The following SLX4 variants were observed in gnomAD, a reference collection of about 807,000 sequenced individuals.
SLX4 encodes the protein structure-specific endonuclease subunit SLX4.
Under a neutral mutation model 146.2 loss-of-function variants are expected in SLX4, and 112 were observed. The ratio of observed to expected loss-of-function variants is 0.77; its 90% CI spans 0.66 to 0.90. The LOEUF is 0.90. Among genes scored for constraint, SLX4 ranks in the 40% least tolerant of loss-of-function variants. The pLI, the probability that SLX4 is intolerant of heterozygous loss-of-function variation, is 0.00. For missense variants in SLX4, 2,563 were observed against 2,392.7 expected (o/e 1.07, Z -1.49); for synonymous variants, 1,061 against 997.7 (o/e 1.06, Z -1.20).
At chr16:3,605,094 A>C (rs1305140027) in intron 3 of SLX4, among the ~76,000 whole-genome samples, 1 of 150,466 alleles carries the variant, frequency 6.6e-6, no homozygotes, top group Non-Finnish European at 1.5e-5. Flanking sequence ...CTAATTAAAA[A>C]AAAATTTTTT....
chr16:3,610,385 A>G (rs2040842942), intron 1 of SLX4, among the ~76,000 whole-genome samples: 1 of 152,174 alleles, frequency 6.6e-6, no homozygotes, highest in Non-Finnish European at 1.5e-5. Context: ...TGTTTTCACA[A>G]TGGCATCTGT....
At chr16:3,601,670 A>G in intron 4 of SLX4, 1 of 307,992 alleles carries the variant, frequency 3.2e-6, no homozygotes, top group Non-Finnish European at 6.3e-6. Context: ...AGCCTGCTCC[A>G]TGCTACAACA....
rs541496018 is a variant in SLX4 at position 3,584,016 on chromosome 16, CA to C, written c.4740-507del. Among the ~76,000 whole-genome samples the C allele has an allele frequency of 5.4e-4, 80 of 148,960 alleles. 1 individual carries two copies. The South Asian group carries it at 0.016, about 30-fold the overall frequency. On this transcript the variant is annotated intron_variant, in intron 13 of 14. Coordinates refer to ENST00000294008, the MANE Select transcript of SLX4 (RefSeq NM_032444.4). Reference sequence around the variant, plus strand: ...CCTGTCTCCAAAAATAAAAAATAAACAAAAGATATGCTGCTCCCAGTTCTGA... The same window carrying C: ...CCTGTCTCCAAAAATAAAAAATAAACAAAGATATGCTGCTCCCAGTTCTGA...
At chr16:3,584,188 C>T (rs1323435702) in intron 13 of SLX4, among the ~76,000 whole-genome samples, 4 of 151,968 alleles carry the variant, frequency 2.6e-5, no homozygotes, top group Non-Finnish European at 5.9e-5. Flanking sequence ...TTTGGGAAGC[C>T]GAGGCGGGTG....
At chr16:3,591,526 T>G (rs2040596125) in intron 11 of SLX4, among the ~76,000 whole-genome samples, 1 of 152,192 alleles carries the variant, frequency 6.6e-6, no homozygotes, top group Non-Finnish European at 1.5e-5. Context: ...AAAGCAGGGC[T>G]TCCTAACTAT....
rs748115513 is a variant in SLX4 at position 3,583,111 on chromosome 16, G to A, written c.5139C>T (p.Ser1713=). 1 of 1,614,290 alleles carries A rather than the reference G, an allele frequency of 6.2e-7. No homozygotes were observed. Among genetic ancestry groups the A allele is most frequent in the East Asian group, 2.2e-5 (1 of 44,890 alleles). ...VATSVDGSDS[S]LSSQSSSSCE... ...CATCCGGTTACCTCTGTGAGCTCAA[G>A]GAGCTGTCACTGCCATCCACAGAGG... The change falls in exon 14 of 15, where the codon TCC becomes TCT. Residue 1713 remains serine (S), a synonymous_variant. Coordinates refer to ENST00000294008, the MANE Select transcript of SLX4 (RefSeq NM_032444.4).
rs2040460611 is a variant in SLX4, at chr16:3,583,124, C to T, written c.5126G>A (p.Gly1709Asp). 1 of 1,614,144 alleles carries T rather than the reference C, an allele frequency of 6.2e-7. No homozygotes were observed. The highest frequency in any genetic ancestry group is 8.5e-7 in the Non-Finnish European group (1 of 1,180,054). Reference protein sequence around the residue: ...SQESVATSVDGSDSSLSSQSS... With the variant: ...SQESVATSVDDSDSSLSSQSS... ...CTGTGAGCTCAAGGAGCTGTCACTG[C>T]CATCCACAGAGGTGGCCACGGATTC... The change falls in exon 14 of 15, where the codon GGC becomes GAC. Residue 1709 changes from glycine (G) to aspartate (D), a missense_variant. Gly to Asp is a moderately conservative substitution (Grantham distance 94, BLOSUM62 -1). Transcript: ENST00000294008.
chr16:3,591,212 T>C lies in SLX4; in HGVS notation c.2426A>G (p.Glu809Gly). ...TTCCTGGAAATTCTCGGCCCTGCTT[T>C]CGCAATTCTCTGCTTCCTTCTCCTC... ...PWEEKEAENC[E>G]SRAENFQELL... Residue 809 changes from glutamate to glycine, a missense_variant, in exon 12 of 15, where the codon GAA (glutamate) becomes GGA (glycine). By Grantham distance (98) the Glu-to-Gly change is moderately conservative (BLOSUM62 -2). Transcript: ENST00000294008. 6.2e-7 allele frequency: 1 copy of C among 1,614,068 alleles called. No homozygotes were observed. Among genetic ancestry groups the C allele is most frequent in the South Asian group, 1.1e-5 (1 of 91,092 alleles).
rs756854257 is a variant in SLX4 at position 3,597,791 on chromosome 16, A to G, written c.1366+6T>C. On this transcript the variant is annotated splice_donor_region_variant and intron_variant, in intron 6 of 14. Transcript: ENST00000294008. This position sits in a 1 kb window ranked among gnomAD's most constrained non-coding sequence, Gnocchi z 4.4. ...CTCCCAGGGTCACTCTTCTGATCAC[A>G]CAAACCTGCTTCTGGTCTTATCCTC... 1.9e-6 allele frequency: 3 copies of G among 1,614,138 alleles called. No individual in the cohort carries two copies. Among genetic ancestry groups the G allele is most frequent in the Non-Finnish European group, 2.5e-6 (3 of 1,180,016 alleles).
intron 12 of SLX4, among the ~76,000 whole-genome samples, chr16:3,585,800 CAAAAAAA>C (rs1226056168): frequency 1.3e-4 from 8 of 60,732 alleles, no homozygotes; most frequent in African/African-American, 5.2e-4. Context: ...CCTATCTCTA[CAAAAAAA>C]AAAAAAAAAA....
rs758716777 is a variant in SLX4, at chr16:3,591,163, A to G, written c.2475T>C (p.Asp825=). ...ACAAAGTCTCCGCTTCCTCCTCTTC[A>G]TCTGCCCACATTGACCTCAAGAGTT... ...FQELLRSMWA[D]EEEEAETLLK... Residue 825 remains aspartate (D), a synonymous_variant, in exon 12 of 15, where the codon GAT becomes GAC. Coordinates refer to ENST00000294008, the MANE Select transcript of SLX4 (RefSeq NM_032444.4). The G allele has an allele frequency of 3.1e-6, 5 of 1,613,914 alleles. No individual in the cohort carries two copies. In the African/African-American group the frequency reaches 5.3e-5, roughly 17 times the overall value.
Position 3,582,179 on chromosome 16 carries a change from T to C in SLX4, c.*163A>G. The C allele has an allele frequency of 1.6e-6, 1 of 629,262 alleles. No individual in the cohort carries two copies. Among genetic ancestry groups the C allele is most frequent in the Non-Finnish European group, 2.8e-6 (1 of 359,200 alleles). 39.0% of individuals were successfully genotyped at this position (629,262 alleles called of 1,614,324 possible). On this transcript the variant is annotated 3_prime_UTR_variant, in exon 15 of 15. Coordinates refer to ENST00000294008, the MANE Select transcript of SLX4 (RefSeq NM_032444.4). ...AAGCAGAGCCCAGAGGAGGAAGCCC[T>C]GGATTGGGCTGTGGTCATCATCACA...
Position 3,589,431 on chromosome 16 carries a change from C to T in SLX4, c.4207G>A (p.Glu1403Lys). The change falls in exon 12 of 15, where the codon GAG becomes AAG. Residue 1403 changes from glutamate (E) to lysine (K), a missense_variant. By Grantham distance (56) the Glu-to-Lys change is moderately conservative. Transcript: ENST00000294008. The surrounding 1 kb of genome is among the most constrained non-coding windows in gnomAD (Gnocchi z 6.2). The stretch of plus-strand genomic sequence containing the variant: ...CTGTTGGCCTGATGGGAGGCCACCT[C>T]CTGCTCATCGTCACTGTCTCCGACT... ...VEVGDSDDEQEVASHQANRSP... is the reference protein window; with the variant it reads ...VEVGDSDDEQKVASHQANRSP... The T allele has an allele frequency of 6.2e-7, 1 of 1,603,562 alleles. No homozygotes were observed. The highest frequency in any genetic ancestry group is 8.5e-7 in the Non-Finnish European group (1 of 1,171,930).
chr16:3,588,447 G>A (rs2040533363), intron 12 of SLX4, among the ~76,000 whole-genome samples: 1 of 152,200 alleles, frequency 6.6e-6, no homozygotes, highest in Admixed American at 6.5e-5. Flanking sequence ...ATTTTCTAGT[G>A]GTCTAGATGG....
In SLX4 at chr16:3,597,324, G is replaced by A; in HGVS notation, c.1683+55C>T. On this transcript the variant is annotated intron_variant, in intron 7 of 14. Coordinates refer to ENST00000294008, the MANE Select transcript of SLX4 (RefSeq NM_032444.4). This position sits in a 1 kb window ranked among gnomAD's most constrained non-coding sequence, Gnocchi z 4.4. ...TGTGGGTACCCAGTGTTGCAGTTCTGGGATTGCCAACCTCCCCCAAAAGCC... is the reference window on the plus strand; with the variant it reads ...TGTGGGTACCCAGTGTTGCAGTTCTAGGATTGCCAACCTCCCCCAAAAGCC... 6.8e-7 allele frequency: 1 copy of A among 1,467,630 alleles called. No individual in the cohort carries two copies. The allele number at this position is 1,467,630 out of a possible 1,614,324, so 90.9% of individuals were successfully genotyped here.
In SLX4 at chr16:3,589,152, C is replaced by T; in HGVS notation, c.4486G>A (p.Gly1496Ser). ...RKLQEKSSGA[G>S]SLGNSRPSFL... is the part of the protein sequence containing the mutation. ...CTCGGCCTGCTATTCCCCAGGGAGC[C>T]CGCGCCCGAGGACTTCTCTTGCAAT... The change falls in exon 12 of 15, where the codon GGC becomes AGC. Residue 1496 changes from glycine to serine, a missense_variant. Physicochemically the swap from Gly to Ser is moderately conservative, Grantham distance 56. Transcript: ENST00000294008. This position sits in a 1 kb window ranked among gnomAD's most constrained non-coding sequence, Gnocchi z 6.2. 4 of 1,614,136 alleles carry T rather than the reference C, an allele frequency of 2.5e-6. No individual in the cohort carries two copies. Among genetic ancestry groups the T allele is most frequent in the Non-Finnish European group, 3.4e-6 (4 of 1,179,994 alleles).
chr16:3,601,159 G>C lies in SLX4; in HGVS notation c.983C>G (p.Pro328Arg). 2 of 1,614,090 alleles carry C rather than the reference G, an allele frequency of 1.2e-6. No individual in the cohort carries two copies. Among genetic ancestry groups the C allele is most frequent in the Non-Finnish European group, 1.7e-6 (2 of 1,180,012 alleles). Residue 328 changes from proline (P) to arginine (R), a missense_variant, in exon 5 of 15, where the codon CCT becomes CGT. Pro to Arg is a moderately radical substitution (Grantham distance 103). Transcript: ENST00000294008. ...CLDEAEKTLRPSVPQIPECPI... is the reference protein window; with the variant it reads ...CLDEAEKTLRRSVPQIPECPI... ...GCACTCAGGGATCTGAGGCACAGAA[G>C]GTCTTAGTGTCTTTTCAGCTTCATC...
At position 3,597,593 on chromosome 16, in the gene SLX4, A is replaced by G. The variant is rs746364844; in HGVS notation, c.1469T>C (p.Leu490Pro). The change falls in exon 7 of 15, where the codon CTC becomes CCC. Residue 490 changes from leucine to proline, a missense_variant. Leu to Pro is a moderately conservative substitution (Grantham distance 98). Transcript: ENST00000294008. The surrounding 1 kb of genome is among the most constrained non-coding windows in gnomAD (Gnocchi z 4.4). Reference sequence around the variant, plus strand: ...AGACAATTCCACTTCCTCAGAGAGGAGCAGGGCCACACGGTCCTCTATCTG... The same window carrying G: ...AGACAATTCCACTTCCTCAGAGAGGGGCAGGGCCACACGGTCCTCTATCTG... Reference protein sequence around the residue: ...GRQIEDRVALLLSEEVELSST... With the variant: ...GRQIEDRVALPLSEEVELSST... 21 of 1,614,020 alleles carry G rather than the reference A, an allele frequency of 1.3e-5. No individual in the cohort carries two copies. Among genetic ancestry groups the G allele is most frequent in the Non-Finnish European group, 5.1e-6 (6 of 1,180,028 alleles).
rs1380812226 is a variant in SLX4 at position 3,582,650 on chromosome 16, C to T, written c.5197G>A (p.Glu1733Lys). Reference protein sequence around the residue: ...EFGAAFESAGEEEGEGEVSAS... With the variant: ...EFGAAFESAGKEEGEGEVSAS... ...CTGACCTCCCCCTCGCCCTCCTCTTCACCTGCAGACTCAAATGCCGCTCCA... is the reference window on the plus strand; with the variant it reads ...CTGACCTCCCCCTCGCCCTCCTCTTTACCTGCAGACTCAAATGCCGCTCCA... The change falls in exon 15 of 15, where the codon GAA (glutamate) becomes AAA (lysine). Residue 1733 changes from glutamate to lysine, a missense_variant. Glu to Lys is a moderately conservative substitution (Grantham distance 56). Coordinates refer to ENST00000294008, the MANE Select transcript of SLX4 (RefSeq NM_032444.4). 6.2e-6 allele frequency: 10 copies of T among 1,613,352 alleles called. No homozygotes were observed. Among genetic ancestry groups the T allele is most frequent in the South Asian group, 1.1e-5 (1 of 91,084 alleles).
Sources: allele counts gnomAD v4.1 joint callset (sites outside exome capture counted in the v4.1 genomes callset), GRCh38; gene constraint gnomAD v4.1.1; non-coding constraint Gnocchi (gnomAD v3.1); transcripts MANE v1.5; gene names NCBI Gene and HGNC (gene_info 2026-07-23, HGNC 2026-07-21).